UGT1A3: variants seen among roughly 807,000 people sequenced by gnomAD.
The protein encoded by UGT1A3 is UDP-glucuronosyltransferase 1A3.
In UGT1A3, 31 loss-of-function variants were observed where a neutral mutation model predicts 41.0. The ratio of observed to expected loss-of-function variants is 0.76; its 90% confidence interval spans 0.57 to 1.02. The LOEUF is 1.02. UGT1A3 is among the 50% of genes least tolerant of loss of function. The pLI is 0.00. For missense variants in UGT1A3, 737 were observed against 671.0 expected (o/e 1.10, Z -1.09); for synonymous variants, 262 against 257.6 (o/e 1.02, Z -0.17).
chr2:233,768,488 A>T, intron 4 of UGT1A3, 49 bp downstream of exon 4: 1 of 1,577,512 alleles, frequency 6.3e-7, no homozygotes, highest in East Asian at 2.3e-5. Flanking sequence ...ATTCATGATA[A>T]AATTGTTTCA....
intron 1 of UGT1A3, among the ~76,000 whole-genome samples, chr2:233,745,709 C>T (rs1276912783): frequency 6.8e-6 from 1 of 146,654 alleles, no homozygotes; most frequent in Non-Finnish European, 1.5e-5. Context: ...ACAAGTGATC[C>T]AGAATGGCTG....
chr2:233,757,562 G>GTATATA (rs1491042837), intron 1 of UGT1A3, among the ~76,000 whole-genome samples: 1 of 90,870 alleles, frequency 1.1e-5, no homozygotes, highest in African/African-American at 5.1e-5. Flanking sequence ...ATATATATAT[G>GTATATA]TATATATGAT....
chr2:233,747,148 T>C (rs2125883163), intron 1 of UGT1A3: 2 of 1,570,870 alleles, frequency 1.3e-6, no homozygotes, highest in Non-Finnish European at 1.7e-6. Flanking sequence ...GTAATTAAGA[T>C]GAAGAAAACA....
chr2:233,730,367 A>T (rs2078022058), intron 1 of UGT1A3, among the ~76,000 whole-genome samples: 1 of 152,122 alleles, frequency 6.6e-6, no homozygotes, highest in Admixed American at 6.5e-5. Context: ...TGCTAGCATG[A>T]TTTTCAGGGG....
chr2:233,730,518 T>C (rs1423750757), intron 1 of UGT1A3, among the ~76,000 whole-genome samples: 2 of 152,032 alleles, frequency 1.3e-5, no homozygotes, highest in African/African-American at 4.8e-5. Context: ...TCAGTGGAAG[T>C]GGGGCAATGA....
chr2:233,739,588 C>T (rs1487878859), intron 1 of UGT1A3, among the ~76,000 whole-genome samples: 1 of 152,180 alleles, frequency 6.6e-6, no homozygotes, highest in Non-Finnish European at 1.5e-5. Context: ...TTGCATGGGG[C>T]CTATAGCCCC....
chr2:233,768,409 A>G lies in UGT1A3; in HGVS notation c.1277A>G (p.Asn426Ser). ...GAAATGACTTCTGAAGATTTAGAAA[A>G]TGCTCTAAAAGCAGTCATCAATGAC... ...VLEMTSEDLE[N>S]ALKAVINDKS... is the part of the protein sequence containing the mutation. The change falls in exon 4 of 5, where the codon AAT becomes AGT. Residue 426 changes from asparagine to serine, a missense_variant. Asn to Ser is a conservative substitution (Grantham distance 46, BLOSUM62 1). Coordinates refer to ENST00000482026, the MANE Select transcript of UGT1A3 (RefSeq NM_019093.4). 1 of 1,614,180 alleles carries G rather than the reference A, an allele frequency of 6.2e-7. No homozygotes were observed. Among genetic ancestry groups the G allele is most frequent in the South Asian group, 1.1e-5 (1 of 91,082 alleles).
At chr2:233,748,719 T>G (rs1371005675) in intron 1 of UGT1A3, among the ~76,000 whole-genome samples, 3 of 151,682 alleles carry the variant, frequency 2.0e-5, no homozygotes, top group Non-Finnish European at 4.4e-5. Context: ...GTCTGGTGCA[T>G]GATGTGGGGA....
chr2:233,758,177 A>G (rs1696814164), intron 1 of UGT1A3, among the ~76,000 whole-genome samples: 1 of 152,208 alleles, frequency 6.6e-6, no homozygotes, highest in African/African-American at 2.4e-5. Flanking sequence ...TTCAGAGCAG[A>G]TATTAATTGG....
intron 1 of UGT1A3, chr2:233,753,724 A>C (rs1430811344): frequency 6.6e-6 from 1 of 152,226 alleles, no homozygotes; most frequent in Admixed American, 6.5e-5. Flanking sequence ...CTAATTTGAT[A>C]TGCCCCAAGC....
Position 233,772,664 on chromosome 2 carries a change from C to G in UGT1A3, c.*105C>G, listed in dbSNP as rs1700540961. 1.9e-6 allele frequency: 3 copies of G among 1,539,532 alleles called. No individual in the cohort carries two copies. Among genetic ancestry groups the G allele is most frequent in the Non-Finnish European group, 2.6e-6 (3 of 1,144,204 alleles). ...TCATTTTATTCTTATTAAGGAAATA[C>G]TTTGCATAAATTAATCAGCCCCAGA... On this transcript the variant is annotated 3_prime_UTR_variant, in exon 5 of 5. Coordinates refer to ENST00000482026, the MANE Select transcript of UGT1A3 (RefSeq NM_019093.4).
At chr2:233,747,400 C>T in intron 1 of UGT1A3, 1 of 1,606,978 alleles carries the variant, frequency 6.2e-7, no homozygotes, top group East Asian at 2.2e-5. Flanking sequence ...GTCCTCACCC[C>T]AGAGGTGAAT....
At chr2:233,757,847 T>C (rs529889907) in intron 1 of UGT1A3, among the ~76,000 whole-genome samples, 12 of 152,082 alleles carry the variant, frequency 7.9e-5, no homozygotes, top group African/African-American at 2.7e-4. Context: ...CTAACTTATG[T>C]CTTCAGCTTA....
intron 1 of UGT1A3, chr2:233,743,980 G>C: frequency 7.7e-7 from 1 of 1,302,864 alleles, no homozygotes; most frequent in Non-Finnish European, 1.0e-6. Context: ...CCAGCACCCA[G>C]GCGCAGGCCC....
chr2:233,743,044 G>A lies in UGT1A3; in HGVS notation c.867+13051G>A, dbSNP rs1369920838. On this transcript the variant is annotated intron_variant, in intron 1 of 4. Coordinates refer to ENST00000482026, the MANE Select transcript of UGT1A3 (RefSeq NM_019093.4). ...AAAGACAAACAGAGGTCCTATCCGT[G>A]TAGTCCCAACGATAAGAACAGGTGT... The A allele has an allele frequency of 1.9e-5, 6 of 317,270 alleles. 1 individual carries two copies. The highest frequency in any genetic ancestry group is 4.4e-5 in the African/African-American group (2 of 45,752). The allele number at this position is 317,270 out of a possible 1,614,324, so 19.7% of individuals were successfully genotyped here. A position where few individuals can be genotyped will look rare whatever the true frequency, so the allele number is the denominator to read the frequency against.
intron 2 of UGT1A3, among the ~76,000 whole-genome samples, chr2:233,767,541 T>C (rs1036019963): frequency 7.9e-4 from 120 of 152,396 alleles, no homozygotes; most frequent in African/African-American, 2.8e-3. Context: ...ATTTCTGCTC[T>C]TATAGTTCTG....
rs1346383611 is a variant in UGT1A3 at position 233,729,285 on chromosome 2, C to G, written c.159C>G (p.Ala53=). 7.4e-6 allele frequency: 12 copies of G among 1,614,080 alleles called. No individual in the cohort carries two copies. Among genetic ancestry groups the G allele is most frequent in the Non-Finnish European group, 5.9e-6 (7 of 1,180,040 alleles). Reference sequence around the variant, plus strand: ...GGGAGGTCTTGCGGGAGCTCCATGCCAGAGGCCACCAGGCAGTGGTCCTCA... The same window carrying G: ...GGGAGGTCTTGCGGGAGCTCCATGCGAGAGGCCACCAGGCAGTGGTCCTCA... ...SMREVLRELH[A]RGHQAVVLTP... Residue 53 remains alanine (A), a synonymous_variant, in exon 1 of 5, where the codon GCC becomes GCG. Transcript: ENST00000482026.
At chr2:233,762,172 G>A (rs964461264) in intron 1 of UGT1A3, among the ~76,000 whole-genome samples, 8 of 152,040 alleles carry the variant, frequency 5.3e-5, no homozygotes, top group East Asian at 3.9e-4. Flanking sequence ...TGTATGCGGC[G>A]TCCTCAACAC....
intron 1 of UGT1A3, chr2:233,743,495 A>G (rs1016583348): frequency 7.3e-7 from 1 of 1,367,212 alleles, no homozygotes; most frequent in Non-Finnish European, 9.8e-7. Flanking sequence ...AAGGCAGAGA[A>G]AAGGGGTGCA....
Sources: allele counts gnomAD v4.1 joint callset (sites outside exome capture counted in the v4.1 genomes callset), GRCh38; gene constraint gnomAD v4.1.1; transcripts MANE v1.5; gene names NCBI Gene and HGNC (gene_info 2026-07-23, HGNC 2026-07-21).